Variants in EXT2 observed in about 807,000 individuals in gnomAD.
The protein encoded by EXT2 is exostosin-2.
Under a neutral mutation model 81.6 loss-of-function variants are expected in EXT2, and 53 were observed. The ratio of observed to expected loss-of-function variants is 0.65; its 90% CI spans 0.52 to 0.82. The LOEUF is 0.82. Among genes scored for constraint, EXT2 ranks in the 40% least tolerant of loss-of-function variants. The pLI is 0.00. For synonymous variants in EXT2, 320 were observed against 340.0 expected (o/e 0.94, Z 0.65); for missense variants, 774 against 910.2 (o/e 0.85, Z 1.93).
intron 7 of EXT2, among the ~76,000 whole-genome samples, chr11:44,149,436 A>G (rs1023026247): frequency 6.6e-6 from 1 of 152,088 alleles, no homozygotes; most frequent in African/African-American, 2.4e-5. Context: ...TTTTTTCTGT[A>G]TCCTTTCTCT....
At chr11:44,127,005 A>G in intron 6 of EXT2, 50 bp downstream of exon 6, 1 of 1,606,396 alleles carries the variant, frequency 6.2e-7, no homozygotes, top group African/African-American at 1.3e-5. Flanking sequence ...TGCGTATATT[A>G]CAAATAAAAT....
chr11:44,237,589 A>G (rs1955980729), intron 13 of EXT2, among the ~76,000 whole-genome samples: 1 of 152,218 alleles, frequency 6.6e-6, no homozygotes. Context: ...GGTTGGGGAA[A>G]ATTCATAACA....
At chr11:44,163,651 A>G (rs1034279646) in intron 7 of EXT2, among the ~76,000 whole-genome samples, 1 of 152,264 alleles carries the variant, frequency 6.6e-6, no homozygotes, top group Non-Finnish European at 1.5e-5. Flanking sequence ...ATGCATGGAA[A>G]TATTTTCCAG....
intron 7 of EXT2, among the ~76,000 whole-genome samples, chr11:44,167,864 G>A (rs1295081033): frequency 6.6e-6 from 1 of 151,998 alleles, no homozygotes; most frequent in Non-Finnish European, 1.5e-5. Context: ...TGCACAGTGT[G>A]CAGGTTAGTT....
At chr11:44,118,057 C>T (rs543579318) in intron 4 of EXT2, among the ~76,000 whole-genome samples, 3 of 152,280 alleles carry the variant, frequency 2.0e-5, no homozygotes, top group Non-Finnish European at 4.4e-5. Flanking sequence ...AAATGAAAAA[C>T]AGTCTAAACT....
At chr11:44,212,235 A>G (rs1364677477) in intron 10 of EXT2, among the ~76,000 whole-genome samples, 1 of 151,998 alleles carries the variant, frequency 6.6e-6, no homozygotes, top group Non-Finnish European at 1.5e-5. Flanking sequence ...CCGTGAGCCA[A>G]GATCGCACCA....
chr11:44,096,535 G>C (rs1953900800), intron 1 of EXT2, among the ~76,000 whole-genome samples: 1 of 151,526 alleles, frequency 6.6e-6, no homozygotes, highest in Admixed American at 6.6e-5. Context: ...GCAGGAGTAT[G>C]TTAGACTGCG....
At chr11:44,191,436 G>A (rs770817081) in intron 8 of EXT2, among the ~76,000 whole-genome samples, 6 of 152,226 alleles carry the variant, frequency 3.9e-5, no homozygotes, top group African/African-American at 1.4e-4. Flanking sequence ...TGCGATAGAT[G>A]AGCTTTGCCT....
chr11:44,169,176 C>T (rs201973101), intron 7 of EXT2, among the ~76,000 whole-genome samples: 58 of 151,810 alleles, frequency 3.8e-4, no homozygotes, highest in African/African-American at 1.3e-3. Context: ...GCTGAGATCG[C>T]GCCACTGCAC....
intron 8 of EXT2, among the ~76,000 whole-genome samples, chr11:44,181,347 C>T (rs1203072798): frequency 1.3e-5 from 2 of 152,232 alleles, no homozygotes; most frequent in Non-Finnish European, 2.9e-5. Flanking sequence ...TACGCCCTGA[C>T]GTGGGTGTTT....
chr11:44,100,634 G>T (rs1260980046), intron 1 of EXT2, among the ~76,000 whole-genome samples: 2 of 152,200 alleles, frequency 1.3e-5, no homozygotes, highest in African/African-American at 4.8e-5. Flanking sequence ...CATTGTGAAA[G>T]ACAGAAGGCT....
At chr11:44,226,902 C>T (rs1955843875) in intron 10 of EXT2, among the ~76,000 whole-genome samples, 1 of 152,238 alleles carries the variant, frequency 6.6e-6, no homozygotes. Context: ...GAAATGAAGC[C>T]ATTGCCAAAT....
intron 7 of EXT2, among the ~76,000 whole-genome samples, chr11:44,135,079 C>T (rs1216526243): frequency 6.6e-6 from 1 of 152,172 alleles, no homozygotes; most frequent in Non-Finnish European, 1.5e-5. Context: ...AAAGACAAAA[C>T]AATTTTATTT....
rs939794576 is a variant in EXT2, at chr11:44,251,599, T to G, written c.*7312T>G. Among the ~76,000 whole-genome samples, 3 of 152,228 alleles carry G rather than the reference T, an allele frequency of 2.0e-5. No homozygotes were observed. Among genetic ancestry groups the G allele is most frequent in the African/African-American group, 4.8e-5 (2 of 41,468 alleles). On this transcript the variant is annotated 3_prime_UTR_variant, in exon 14 of 14. Transcript: ENST00000533608. ...TAAATCACTCAGTAAAGAAATCTTT[T>G]CATGCTCACAATCTGAACCTGAAGG...
chr11:44,218,803 T>TTC (rs1474752454), intron 10 of EXT2, among the ~76,000 whole-genome samples: 5 of 140,040 alleles, frequency 3.6e-5, no homozygotes, highest in African/African-American at 1.4e-4. Context: ...CTTTTTTTTT[T>TTC]TTTTTTTTTT....
In EXT2 at chr11:44,197,948, A is replaced by G. The variant is rs533065326; in HGVS notation, c.1425A>G (p.Glu475=). The change falls in exon 9 of 14, where the codon GAA becomes GAG. Residue 475 remains glutamate (E), a synonymous_variant. Coordinates refer to ENST00000533608, the MANE Select transcript of EXT2 (RefSeq NM_207122.2). ...AGAGCCTCTTCCGGGTCATCACTGA[A>G]GTGTCCAAGGTGCCCAGTCTATCCA... ...RVESLFRVIT[E]VSKVPSLSKL... is the part of the protein sequence containing the mutation. 1.3e-4 allele frequency: 216 copies of G among 1,614,092 alleles called. 1 individual carries two copies. The South Asian group carries it at 2.2e-3, about 17-fold the overall frequency.
At chr11:44,236,491 C>A (rs1955966883) in intron 13 of EXT2, 116 bp downstream of exon 13, 7 of 902,562 alleles carry the variant, frequency 7.8e-6, no homozygotes, top group Non-Finnish European at 1.1e-5. Context: ...GCCATAGTCA[C>A]CTCCATGTGC....
intron 10 of EXT2, among the ~76,000 whole-genome samples, chr11:44,215,466 C>T (rs760662294): frequency 1.2e-4 from 18 of 152,006 alleles, no homozygotes; most frequent in East Asian, 1.9e-4. Flanking sequence ...ATATACTCTA[C>T]GATTTTATTA....
intron 1 of EXT2, among the ~76,000 whole-genome samples, chr11:44,106,811 G>A (rs1212865753): frequency 3.9e-5 from 6 of 152,262 alleles, no homozygotes; most frequent in African/African-American, 1.2e-4. Context: ...TGTATTTTTA[G>A]TAGAGACGGG....
Sources: allele counts gnomAD v4.1 joint callset (sites outside exome capture counted in the v4.1 genomes callset), GRCh38; gene constraint gnomAD v4.1.1; transcripts MANE v1.5; gene names NCBI Gene and HGNC (gene_info 2026-07-23, HGNC 2026-07-21).